RABL6: variants seen among roughly 807,000 people sequenced by gnomAD.
The protein encoded by RABL6 is rab-like protein 6.
A neutral mutation model predicts 72.9 loss-of-function variants in RABL6; 28 were observed. That is an observed-to-expected ratio of 0.38 (90% CI 0.28 to 0.53). The LOEUF (loss-of-function observed/expected upper bound fraction) is 0.53. Ranked by LOEUF, RABL6 falls within the 20% of genes least tolerant of loss-of-function variation. The pLI is 0.80. For synonymous variants in RABL6, 477 were observed against 421.2 expected, an observed-to-expected ratio of 1.13 and a Z score of -1.62; for missense variants, 1,029 against 1,008.4, an observed-to-expected ratio of 1.02 and a Z score of -0.28.
chr9:136,812,816 T>C, intron 1 of RABL6: 1 of 364,536 alleles, frequency 2.7e-6, no homozygotes. Flanking sequence ...TTGTGGCTTG[T>C]GGTCACCTCT....
At chr9:136,822,033 G>T (rs1256028453) in intron 1 of RABL6, 1 of 1,289,742 alleles carries the variant, frequency 7.8e-7, no homozygotes, top group Non-Finnish European at 1.0e-6. Flanking sequence ...AGCTTCAGGG[G>T]AGAAGAAATG....
At chr9:136,808,884 C>T (rs1055834621) in intron 1 of RABL6, 5 of 152,160 alleles carry the variant, frequency 3.3e-5, no homozygotes, top group Non-Finnish European at 7.4e-5. Flanking sequence ...TCTAGAAAAG[C>T]TCCAGAAGGC....
At chr9:136,808,800 G>A (rs1214517199) in intron 1 of RABL6, 1 of 152,006 alleles carries the variant, frequency 6.6e-6, no homozygotes, top group Non-Finnish European at 1.5e-5. Context: ...TTCCTACTGA[G>A]TTTGAAGACA....
chr9:136,834,344 C>G, intron 7 of RABL6: 1 of 1,000,764 alleles, frequency 1.0e-6, no homozygotes, highest in Non-Finnish European at 1.2e-6. Flanking sequence ...AAGAGTTCTT[C>G]CAGTCGTCAG....
chr9:136,835,457 G>T, intron 7 of RABL6: 1 of 375,276 alleles, frequency 2.7e-6, no homozygotes, highest in Non-Finnish European at 4.9e-6. Context: ...GCGTGTGTGG[G>T]TGGGGGTGCT....
At chr9:136,830,449 G>A (rs1848448951) in intron 5 of RABL6, among the ~76,000 whole-genome samples, 1 of 152,232 alleles carries the variant, frequency 6.6e-6, no homozygotes, top group Non-Finnish European at 1.5e-5. Context: ...CCCTCGGTGG[G>A]GGTGTGGCAC....
intron 10 of RABL6, 115 bp downstream of exon 10, chr9:136,838,130 C>T: frequency 7.6e-7 from 1 of 1,311,284 alleles, no homozygotes; most frequent in South Asian, 1.4e-5. Flanking sequence ...CGGCTGGTCA[C>T]TGTTGGCTGA....
At chr9:136,836,863 C>T (rs777903433) in intron 8 of RABL6, 6 of 314,554 alleles carry the variant, frequency 1.9e-5, no homozygotes, top group Non-Finnish European at 3.7e-5. Context: ...CTGTCCCCAC[C>T]CTTTGGCACT....
In RABL6 at chr9:136,839,094, A is replaced by G; in HGVS notation, c.1466A>G (p.Gln489Arg). Residue 489 changes from glutamine to arginine, a missense_variant, in exon 11 of 15, where the codon CAG becomes CGG. Transcript: ENST00000311502. ...ACAAAAGGCCCTGCCCCAGCTCCCCAGCAGTGCTCAGAGCCAGAGACCAAG... is the reference window on the plus strand; with the variant it reads ...ACAAAAGGCCCTGCCCCAGCTCCCCGGCAGTGCTCAGAGCCAGAGACCAAG... Reference protein sequence around the residue: ...APTKGPAPAPQQCSEPETKWS... With the variant: ...APTKGPAPAPRQCSEPETKWS... The G allele has an allele frequency of 6.2e-7, 1 of 1,612,374 alleles. No individual in the cohort carries two copies. The highest frequency in any genetic ancestry group is 8.5e-7 in the Non-Finnish European group (1 of 1,179,784).
At chr9:136,823,750 C>G in intron 2 of RABL6, 91 bp downstream of exon 2, 2 of 1,434,386 alleles carry the variant, frequency 1.4e-6, no homozygotes, top group Non-Finnish European at 1.9e-6. Flanking sequence ...CAGAGGGGGT[C>G]TCCCCGAAGA....
chr9:136,832,041 G>A, intron 6 of RABL6, 180 bp downstream of exon 6: 1 of 1,053,278 alleles, frequency 9.5e-7, no homozygotes, highest in Non-Finnish European at 1.3e-6. Flanking sequence ...GCCGGGAACT[G>A]TGTGCTGGGG....
Position 136,840,364 on chromosome 9 carries a change from A to AGC in RABL6, c.2033_2034dup (p.Lys679AlafsTer92). 1 of 1,557,702 alleles carries AGC rather than the reference A, an allele frequency of 6.4e-7. No individual in the cohort carries two copies. The highest frequency in any genetic ancestry group is 8.7e-7 in the Non-Finnish European group (1 of 1,150,994). On this transcript the variant is annotated frameshift_variant, in exon 15 of 15. Coordinates refer to ENST00000311502, the MANE Select transcript of RABL6 (RefSeq NM_024718.5). LOFTEE classifies it low-confidence loss of function (END_TRUNC). ...CAAGAAGAAGAGCAAACACAAGAAG[A>AGC]GCAAGGACAAGGAGGAGGGCAAGGA...
chr9:136,837,256 C>CCAG (rs765753642), intron 8 of RABL6, 90 bp from the exon 9 acceptor site: 14 of 1,393,764 alleles, frequency 1.0e-5, no homozygotes, highest in African/African-American at 4.3e-5. Context: ...CTTCCCAGCC[C>CCAG]CAGCAGCAGC....
At chr9:136,810,849 T>C (rs1380091539) in intron 1 of RABL6, among the ~76,000 whole-genome samples, 2 of 152,178 alleles carry the variant, frequency 1.3e-5, no homozygotes, top group African/African-American at 4.8e-5. Context: ...CTTTCTGGTA[T>C]TTATTTTCTC....
intron 7 of RABL6, 74 bp downstream of exon 7, chr9:136,832,444 G>A (rs767482490): frequency 6.0e-5 from 73 of 1,218,064 alleles, no homozygotes; most frequent in African/African-American, 7.5e-5. Flanking sequence ...GTGTAGCAAC[G>A]GGTCTCCCTC....
At chr9:136,830,965 A>T (rs1304087990) in intron 5 of RABL6, 1 of 154,804 alleles carries the variant, frequency 6.5e-6, no homozygotes. Flanking sequence ...AGGAGACACC[A>T]GAAGGCCACC....
At chr9:136,831,671 C>G in intron 5 of RABL6, 50 bp from the exon 6 acceptor site, 2 of 1,604,976 alleles carry the variant, frequency 1.2e-6, no homozygotes, top group Non-Finnish European at 1.7e-6. Context: ...CAGGGAGGGA[C>G]AGGGCGTCGC....
At chr9:136,815,615 G>T (rs2131161437) in intron 1 of RABL6, 2 of 167,660 alleles carry the variant, frequency 1.2e-5, no homozygotes, top group Admixed American at 1.3e-4. Flanking sequence ...ACCAGCTGCA[G>T]CACAGGCTGT....
intron 6 of RABL6, 76 bp from the exon 7 acceptor site, chr9:136,832,186 ACAG>A: frequency 7.6e-7 from 1 of 1,319,728 alleles, no homozygotes; most frequent in Non-Finnish European, 1.1e-6. Context: ...GTGCGGACCC[ACAG>A]CTGTGGGCCC....
Sources: gnomAD v4.1 joint callset for allele counts (sites outside exome capture counted in the v4.1 genomes callset) on GRCh38, gnomAD v4.1.1 for gene constraint, MANE v1.5 for transcripts, NCBI Gene and HGNC (gene_info 2026-07-23, HGNC 2026-07-21) for gene names.